The following STKLD1 variants were observed in gnomAD, a reference collection of about 807,000 sequenced individuals.
The protein encoded by STKLD1 is serine/threonine kinase-like domain-containing protein STKLD1.
In STKLD1, 79 loss-of-function variants were observed where a neutral mutation model predicts 80.4. The observed-to-expected ratio is 0.98, with a 90% CI of 0.82 to 1.19. The LOEUF (loss-of-function observed/expected upper bound fraction) is 1.19. Among genes scored for constraint, STKLD1 ranks in the 50% most tolerant of loss-of-function variants. STKLD1 has a pLI of 0.00. For synonymous variants in STKLD1, 393 were observed against 357.6 expected (o/e 1.10, Z -1.12); for missense variants, 841 against 856.0 (o/e 0.98, Z 0.22).
In STKLD1 at chr9:133,384,368, G is replaced by A. The variant is rs1472675562; in HGVS notation, c.219+468G>A. On this transcript the variant is annotated intron_variant, in intron 3 of 17. Transcript: ENST00000371957. The surrounding 1 kb of genome is among the most constrained non-coding windows in gnomAD (Gnocchi z 4.3). ...GAGGCGGGAGAATCACTTGAACCTG[G>A]GAGGCGGAGATTGCAATGAGCCGAG... 3 of 160,630 alleles carry A rather than the reference G, an allele frequency of 1.9e-5. No homozygotes were observed. In the East Asian group the frequency reaches 5.4e-4, roughly 29 times the overall value. 10.0% of individuals were successfully genotyped at this position (160,630 alleles called of 1,614,324 possible).
chr9:133,394,355 C>T lies in STKLD1; in HGVS notation c.648C>T (p.Asp216=). 6.2e-7 allele frequency: 1 copy of T among 1,613,934 alleles called. No individual in the cohort carries two copies. Among genetic ancestry groups the T allele is most frequent in the East Asian group, 2.2e-5 (1 of 44,872 alleles). The part of the protein sequence containing the change: ...ALNFSFSQKS[D]IWSLGCIILD... ...ACTTCTCCTTCAGCCAGAAATCAGA[C>T]ATCTGGTCCCTGGGCTGCATCATTC... The change falls in exon 8 of 18, where the codon GAC becomes GAT. Residue 216 remains aspartate, a synonymous_variant. Transcript: ENST00000371957. This position sits in a 1 kb window ranked among gnomAD's most constrained non-coding sequence, Gnocchi z 4.9.
chr9:133,383,707 G>C, intron 2 of STKLD1, 149 bp from the exon 3 acceptor site: 1 of 706,210 alleles, frequency 1.4e-6, no homozygotes, highest in East Asian at 2.5e-5. Flanking sequence ...GGTGGTGTTG[G>C]TTGTGGTTGT....
intron 1 of STKLD1, 148 bp downstream of exon 1, chr9:133,376,708 GCCTCCAACGGTGACCTCCTGGGTGC>G: frequency 3.1e-6 from 2 of 646,924 alleles, no homozygotes; most frequent in Non-Finnish European, 5.2e-6. Flanking sequence ...AACCCGGGGG[GCCTCCAACGGTGACCTCCTGGGTGC>G]CCTTTGCCAC....
rs1838507775 is a variant in STKLD1, at chr9:133,394,535, G to A, written c.702+126G>A. 2.7e-6 allele frequency: 2 copies of A among 736,910 alleles called. No individual in the cohort carries two copies. The highest frequency in any genetic ancestry group is 4.8e-6 in the Non-Finnish European group (2 of 417,588). The allele number at this position is 736,910 out of a possible 1,614,324, so 45.6% of individuals were successfully genotyped here. A position where few individuals can be genotyped will look rare whatever the true frequency, so the allele number is the denominator to read the frequency against. ...CCCCTGGCTCTCTGCAGGCTGCACA[G>A]AGCCCTCTTCTCCACCTGCGAGGGG... On this transcript the variant is annotated intron_variant, in intron 8 of 17. Transcript: ENST00000371957. The surrounding 1 kb of genome is among the most constrained non-coding windows in gnomAD (Gnocchi z 4.9).
intron 12 of STKLD1, among the ~76,000 whole-genome samples, chr9:133,400,842 G>A (rs1838686056): frequency 6.6e-6 from 1 of 152,224 alleles, no homozygotes; most frequent in Admixed American, 6.5e-5. Context: ...GCTTGGAGAC[G>A]CGGATCCCAC....
chr9:133,393,191 CATGGATGGATGG>C (rs1276349804), intron 7 of STKLD1, among the ~76,000 whole-genome samples: 4 of 90,774 alleles, frequency 4.4e-5, no homozygotes, highest in South Asian at 4.6e-4. Context: ...TGGATGAGTG[CATGGATGGATGG>C]ATGGATGGAT....
In STKLD1 at chr9:133,382,915, T is replaced by A. The variant is rs962671861; in HGVS notation, c.175-941T>A. Reference sequence around the variant, plus strand: ...GTGATGATGTTGGTGATGGTGGTGATGATGGGGATAATAGTGGTGGTGGTG... The same window carrying A: ...GTGATGATGTTGGTGATGGTGGTGAAGATGGGGATAATAGTGGTGGTGGTG... On this transcript the variant is annotated intron_variant, in intron 2 of 17. Coordinates refer to ENST00000371957, the MANE Select transcript of STKLD1 (RefSeq NM_153710.5). Among the ~76,000 whole-genome samples the A allele has an allele frequency of 2.4e-4, 36 of 149,492 alleles. 1 individual carries two copies. In the East Asian group the frequency reaches 2.6e-3, roughly 11 times the overall value.
intron 14 of STKLD1, 108 bp downstream of exon 14, chr9:133,403,120 C>T: frequency 8.7e-7 from 1 of 1,152,204 alleles, no homozygotes. Context: ...GTCCCTAAAA[C>T]ACAACAGCCA....
At chr9:133,386,147 GACCTT>G (rs1046473274) in intron 4 of STKLD1, among the ~76,000 whole-genome samples, 2 of 152,216 alleles carry the variant, frequency 1.3e-5, no homozygotes, top group Admixed American at 1.3e-4. Context: ...TTGAACTCCT[GACCTT>G]AAGTGATCCG....
chr9:133,376,630 G>A, intron 1 of STKLD1, 70 bp downstream of exon 1: 1 of 1,392,650 alleles, frequency 7.2e-7, no homozygotes, highest in Non-Finnish European at 9.6e-7. Flanking sequence ...AGCTACGGCC[G>A]GCGGTTCCGA....
intron 11 of STKLD1, among the ~76,000 whole-genome samples, chr9:133,398,610 T>G (rs1838620273): frequency 6.6e-6 from 1 of 151,918 alleles, no homozygotes; most frequent in Non-Finnish European, 1.5e-5. Flanking sequence ...GAGAGCCCAT[T>G]TCTACAAAAA....
intron 17 of STKLD1, 24 bp from the exon 18 acceptor site, chr9:133,405,228 A>C: frequency 1.9e-6 from 3 of 1,578,244 alleles, no homozygotes; most frequent in Non-Finnish European, 2.6e-6. Flanking sequence ...CTCTGGCCTC[A>C]GGACCTTCCT....
rs1838254198 is a variant in STKLD1 at position 133,385,896 on chromosome 9, G to A, written c.294+205G>A. Among the ~76,000 whole-genome samples, 1 of 151,434 alleles carries A rather than the reference G, an allele frequency of 6.6e-6. No individual in the cohort carries two copies. Among genetic ancestry groups the A allele is most frequent in the African/African-American group, 2.4e-5 (1 of 41,232 alleles). On this transcript the variant is annotated intron_variant, in intron 4 of 17. Transcript: ENST00000371957. The surrounding 1 kb of genome is among the most constrained non-coding windows in gnomAD (Gnocchi z 4.9). ...GCTTTCGGTGCATAGTCTCATAGGA[G>A]CCCCAAAAACCTCATCGTCAGGAGA... is the stretch of plus-strand genomic sequence containing the variant.
chr9:133,405,078 C>A, intron 17 of STKLD1, 149 bp downstream of exon 17: 2 of 1,370,304 alleles, frequency 1.5e-6, no homozygotes, highest in Non-Finnish European at 2.0e-6. Context: ...TTGGCATCTT[C>A]TGAGCACCAG....
chr9:133,398,762 C>G (rs1554777085), intron 11 of STKLD1, among the ~76,000 whole-genome samples: 1 of 152,210 alleles, frequency 6.6e-6, no homozygotes, highest in African/African-American at 2.4e-5. Context: ...CTAGAAGACC[C>G]TGTCTCAGAA....
chr9:133,376,602 T>C (rs2130249922), intron 1 of STKLD1, 42 bp downstream of exon 1: 1 of 1,518,916 alleles, frequency 6.6e-7, no homozygotes. Context: ...CTCCGTGGGG[T>C]AACGGTCGCA....
At position 133,402,930 on chromosome 9, in the gene STKLD1, C is replaced by A; in HGVS notation, c.1392C>A (p.Ile464=). ...AGAATGCTGGGCTGCTGGAGCACAT[C>A]CTGGAGCACCTCAACAGCTCCCTCG... ...ELQNAGLLEH[I]LEHLNSSLES... The change falls in exon 14 of 18, where the codon ATC becomes ATA. Residue 464 remains isoleucine, a synonymous_variant. Coordinates refer to ENST00000371957, the MANE Select transcript of STKLD1 (RefSeq NM_153710.5). 6.3e-7 allele frequency: 1 copy of A among 1,585,486 alleles called. No homozygotes were observed. Among genetic ancestry groups the A allele is most frequent in the Non-Finnish European group, 8.6e-7 (1 of 1,166,196 alleles).
chr9:133,379,078 G>T lies in STKLD1; in HGVS notation c.130G>T (p.Val44Leu). 6.2e-7 allele frequency: 1 copy of T among 1,614,050 alleles called. No homozygotes were observed. Among genetic ancestry groups the T allele is most frequent in the Non-Finnish European group, 8.5e-7 (1 of 1,179,928 alleles). ...LNPGALGVNL[V>L]VEEMETKVKH... ...TCCTGGGGCCTTGGGGGTGAACCTG[G>T]TGGTGGAGGAAATGGAAACCAAAGT... The change falls in exon 2 of 18, where the codon GTG (valine) becomes TTG (leucine). Residue 44 changes from valine (V) to leucine (L), a missense_variant. Coordinates refer to ENST00000371957, the MANE Select transcript of STKLD1 (RefSeq NM_153710.5).
chr9:133,396,082 A>T (rs918484158), intron 9 of STKLD1: 2 of 201,272 alleles, frequency 9.9e-6, no homozygotes, highest in East Asian at 2.2e-4. Flanking sequence ...TCCTAAAGAC[A>T]ATGGTCACCT....
Sources: allele counts gnomAD v4.1 joint callset (sites outside exome capture counted in the v4.1 genomes callset), GRCh38; gene constraint gnomAD v4.1.1; non-coding constraint Gnocchi (gnomAD v3.1); transcripts MANE v1.5; gene names NCBI Gene and HGNC (gene_info 2026-07-23, HGNC 2026-07-21).